The following RBFOX3 variants were observed in gnomAD, a reference collection of about 807,000 sequenced individuals.
The protein encoded by RBFOX3 is RNA binding fox-1 homolog 3, also known as RNA binding protein fox-1 homolog 3.
Under a neutral mutation model 48.7 loss-of-function variants are expected in RBFOX3, and 17 were observed. That is an observed-to-expected ratio of 0.35 (90% CI 0.24 to 0.52). The LOEUF is 0.52. Ranked by LOEUF, RBFOX3 falls within the 20% of genes least tolerant of loss-of-function variation. RBFOX3 has a pLI of 0.94. For synonymous variants in RBFOX3, 212 were observed against 209.5 expected, an observed-to-expected ratio of 1.01 and a Z score of -0.10; for missense variants, 382 against 497.5, an observed-to-expected ratio of 0.77 and a Z score of 2.21.
intron 4 of RBFOX3, among the ~76,000 whole-genome samples, chr17:79,149,730 G>A (rs563128209): frequency 3.3e-5 from 5 of 151,438 alleles, no homozygotes; most frequent in Admixed American, 2.0e-4. Flanking sequence ...CTGGGATGTC[G>A]AGTGGGGTCA....
intron 1 of RBFOX3, among the ~76,000 whole-genome samples, chr17:79,483,667 C>T (rs1329703602): frequency 1.3e-5 from 2 of 151,722 alleles, no homozygotes; most frequent in East Asian, 4.0e-4. Context: ...CACTGGAATG[C>T]AGGCTCCCTG....
intron 2 of RBFOX3, among the ~76,000 whole-genome samples, chr17:79,470,593 C>G (rs914488489): frequency 6.6e-6 from 1 of 152,192 alleles, no homozygotes. Flanking sequence ...AGCTAGGGAA[C>G]CCCCCTCAGC....
At chr17:79,229,764 A>T (rs1203246575) in intron 4 of RBFOX3, among the ~76,000 whole-genome samples, 1 of 152,096 alleles carries the variant, frequency 6.6e-6, no homozygotes, top group Non-Finnish European at 1.5e-5. Context: ...CAGTGTGAAA[A>T]GTAGCCTGAA....
intron 5 of RBFOX3, among the ~76,000 whole-genome samples, chr17:79,107,947 C>T (rs2077720420): frequency 6.6e-6 from 1 of 152,368 alleles, no homozygotes; most frequent in South Asian, 2.1e-4. Context: ...CACACTTCCT[C>T]CAACAATTTA....
intron 4 of RBFOX3, among the ~76,000 whole-genome samples, chr17:79,201,094 C>T (rs2056682827): frequency 2.0e-5 from 3 of 147,504 alleles, no homozygotes; most frequent in Non-Finnish European, 4.4e-5. Context: ...CACTTCTTAA[C>T]AACAACAACG....
rs993854672 is a variant in RBFOX3 at position 79,198,664 on chromosome 17, C to T, written c.-34+37102G>A. 3.3e-5 allele frequency among the ~76,000 whole-genome samples: 5 copies of T among 151,196 alleles called. No homozygotes were observed. The highest frequency in any genetic ancestry group is 7.4e-5 in the Non-Finnish European group (5 of 67,946). On this transcript the variant is annotated intron_variant, in intron 4 of 14. Transcript: ENST00000693108. The surrounding 1 kb of genome is among the most constrained non-coding windows in gnomAD (Gnocchi z 8.2). ...TTTTTAAGATGGAGTCTTGCTCTGT[C>T]ACTCAAGCTGGAGTGCAGTGGCATG...
At chr17:79,301,655 C>T (rs2075332265) in intron 3 of RBFOX3, among the ~76,000 whole-genome samples, 1 of 152,208 alleles carries the variant, frequency 6.6e-6, no homozygotes, top group Non-Finnish European at 1.5e-5. Flanking sequence ...TGCAGACCCA[C>T]CCGCAGCAGC....
chr17:79,327,822 A>G (rs1295039573), intron 2 of RBFOX3, among the ~76,000 whole-genome samples: 5 of 152,140 alleles, frequency 3.3e-5, no homozygotes, highest in Non-Finnish European at 7.4e-5. Context: ...CAGCCTCCAG[A>G]GTAGTTGGGA....
chr17:79,611,183 T>TCTCTCTC (rs2093965331), upstream of RBFOX3, among the ~76,000 whole-genome samples: 4 of 41,494 alleles, frequency 9.6e-5, no homozygotes, highest in Admixed American at 2.2e-4. Context: ...TCCGCCCTCC[T>TCTCTCTC]TCTCTCTCTC....
intron 4 of RBFOX3, among the ~76,000 whole-genome samples, chr17:79,194,053 C>T (rs143739469): frequency 2.6e-4 from 39 of 152,270 alleles, no homozygotes; most frequent in African/African-American, 8.4e-4. Flanking sequence ...CTGATGTTCT[C>T]CCTGCCCTGT....
upstream of RBFOX3, among the ~76,000 whole-genome samples, chr17:79,612,041 G>A (rs2093973459): frequency 6.6e-6 from 1 of 152,306 alleles, no homozygotes; most frequent in East Asian, 1.9e-4. Context: ...ACACAGTGGA[G>A]TGGGGACCCT....
At chr17:79,223,774 C>T (rs192068747) in intron 4 of RBFOX3, among the ~76,000 whole-genome samples, 2 of 152,314 alleles carry the variant, frequency 1.3e-5, no homozygotes, top group East Asian at 3.9e-4. Context: ...TCGACACATT[C>T]CAAGCTCAGC....
At chr17:79,663,476 G>C in the RBFOX3 span, among the ~76,000 whole-genome samples, 1 of 152,176 alleles carries the variant, frequency 6.6e-6, no homozygotes, top group Non-Finnish European at 1.5e-5. Context: ...TAGGGGGTCT[G>C]ACCTTGCCAA....
chr17:79,557,033 C>G (rs2091812307), intron 1 of RBFOX3, among the ~76,000 whole-genome samples: 1 of 152,006 alleles, frequency 6.6e-6, no homozygotes, highest in African/African-American at 2.4e-5. Context: ...CATTTGAGGT[C>G]AGGAGTTCAA....
In RBFOX3 at chr17:79,527,207, G is replaced by A. The variant is rs1236984154; in HGVS notation, c.-319-44609C>T. On this transcript the variant is annotated intron_variant, in intron 1 of 14. Transcript: ENST00000693108. ...GGCTTGGTCTCCTGTCTGCACCTGCGGATGCAGAGCACGCCTGCCACCTCT... is the reference window on the plus strand; with the variant it reads ...GGCTTGGTCTCCTGTCTGCACCTGCAGATGCAGAGCACGCCTGCCACCTCT... Among the ~76,000 whole-genome samples the A allele has an allele frequency of 1.6e-4, 24 of 152,378 alleles. No homozygotes were observed. The East Asian group carries it at 4.0e-3, about 26-fold the overall frequency.
At chr17:79,529,404 G>A (rs1055671156) in intron 1 of RBFOX3, among the ~76,000 whole-genome samples, 38 of 152,218 alleles carry the variant, frequency 2.5e-4, no homozygotes, top group Non-Finnish European at 5.0e-4. Context: ...CTAGTCCTAT[G>A]TTTTCAATCC....
chr17:79,218,505 C>T (rs917137001), intron 4 of RBFOX3, among the ~76,000 whole-genome samples: 3 of 152,286 alleles, frequency 2.0e-5, no homozygotes, highest in Admixed American at 6.5e-5. Context: ...CCGAGCGTGG[C>T]TGAGGACAGG....
chr17:79,376,148 C>A (rs2059195165), intron 2 of RBFOX3, among the ~76,000 whole-genome samples: 1 of 152,208 alleles, frequency 6.6e-6, no homozygotes, highest in Admixed American at 6.5e-5. Context: ...CAAGTCAACA[C>A]CCCCTCCTTC....
chr17:79,197,212 C>CCCT (rs879754979), intron 4 of RBFOX3, among the ~76,000 whole-genome samples: 52,163 of 150,872 alleles, frequency 0.35, 9,552 homozygotes, highest in South Asian at 0.49. Context: ...ATGCAGCCCT[C>CCCT]CGTCGGGGCT....
Sources: gnomAD v4.1 joint callset for allele counts (sites outside exome capture counted in the v4.1 genomes callset) on GRCh38, gnomAD v4.1.1 for gene constraint, Gnocchi (gnomAD v3.1) non-coding constraint, MANE v1.5 for transcripts, NCBI Gene and HGNC (gene_info 2026-07-23, HGNC 2026-07-21) for gene names.